Variants in ALDH3A1 observed in about 807,000 individuals in gnomAD.
The protein encoded by ALDH3A1 is aldehyde dehydrogenase, dimeric NADP-preferring.
ALDH3A1 carries 46 observed loss-of-function variants against 49.9 expected under a neutral mutation model. The observed-to-expected ratio is 0.92, with a 90% CI of 0.73 to 1.18. ALDH3A1 has a LOEUF of 1.18. ALDH3A1 is among the 50% of genes most tolerant of loss of function. The probability of loss-of-function intolerance (pLI) is 0.00; values close to 1 mark genes in which losing one functional copy is unlikely to be tolerated. For missense variants in ALDH3A1, 592 were observed against 611.8 expected, an observed-to-expected ratio of 0.97 and a Z score of 0.34; for synonymous variants, 269 against 253.3, an observed-to-expected ratio of 1.06 and a Z score of -0.59.
At chr17:19,745,309 TG>T in intron 1 of ALDH3A1, 175 bp from the exon 2 acceptor site, 1 of 653,936 alleles carries the variant, frequency 1.5e-6, no homozygotes. Flanking sequence ...CTCAGACGCC[TG>T]GGCCCTGGCT....
At chr17:19,740,116 T>C in intron 7 of ALDH3A1, 1 of 556,950 alleles carries the variant, frequency 1.8e-6, no homozygotes, top group South Asian at 2.8e-5. Flanking sequence ...ATGAGGCCCC[T>C]CTTTCTGGGC....
rs961741729 is a variant in ALDH3A1, at chr17:19,738,460, A to G, written c.1217-7T>C. ...GATCCCATGCCGCTGTTCCCTGCGGAGGAGAAGTAAGCACAGGGCTCAGCA... is the reference window on the plus strand; with the variant it reads ...GATCCCATGCCGCTGTTCCCTGCGGGGGAGAAGTAAGCACAGGGCTCAGCA... On this transcript the variant is annotated splice_polypyrimidine_tract_variant and splice_region_variant and intron_variant, in intron 9 of 10. Coordinates refer to ENST00000225740, the MANE Select transcript of ALDH3A1 (RefSeq NM_000691.5). 10 of 1,607,872 alleles carry G rather than the reference A, an allele frequency of 6.2e-6. No individual in the cohort carries two copies. In the Admixed American group the frequency reaches 1.0e-4, roughly 16 times the overall value.
Position 19,738,435 on chromosome 17 carries a change from G to A in ALDH3A1, c.1235C>T (p.Ser412Phe), listed in dbSNP as rs1023500227. Residue 412 changes from serine (S) to phenylalanine (F), a missense_variant, in exon 10 of 11, where the codon TCC (serine) becomes TTC (phenylalanine). Physicochemically the swap from Ser to Phe is radical, Grantham distance 155. Transcript: ENST00000225740. ...CTCGAAGCTCTTCTTGCCATGGTAG[G>A]ATCCCATGCCGCTGTTCCCTGCGGA... Reference protein sequence around the residue: ...FGGVGNSGMGSYHGKKSFETF... With the variant: ...FGGVGNSGMGFYHGKKSFETF... 76 of 1,613,082 alleles carry A rather than the reference G, an allele frequency of 4.7e-5. No homozygotes were observed. The highest frequency in any genetic ancestry group is 6.3e-5 in the Non-Finnish European group (74 of 1,179,484).
chr17:19,745,825 T>C, intron 1 of ALDH3A1: 1 of 152,254 alleles, frequency 6.6e-6, no homozygotes, highest in East Asian at 1.9e-4. Context: ...CAAAAGTTTT[T>C]CAAACATACT....
At chr17:19,747,342 G>A (rs2086613960) in intron 1 of ALDH3A1, among the ~76,000 whole-genome samples, 1 of 152,066 alleles carries the variant, frequency 6.6e-6, no homozygotes, top group Non-Finnish European at 1.5e-5. Flanking sequence ...GTTCTGATAG[G>A]AGGCTGGGAA....
chr17:19,744,156 G>A (rs2086555342), intron 2 of ALDH3A1: 1 of 979,944 alleles, frequency 1.0e-6, no homozygotes, highest in South Asian at 4.7e-5. Context: ...CCAGCACTCT[G>A]AGAGGCCGAG....
intron 1 of ALDH3A1, among the ~76,000 whole-genome samples, chr17:19,746,679 ATGTGCGTGTGTG>A (rs1046874487): frequency 8.2e-5 from 10 of 121,930 alleles, no homozygotes; most frequent in East Asian, 2.7e-4. Context: ...GTGTGTGTGC[ATGTGCGTGTGTG>A]TGTGCGTGCG....
At chr17:19,742,416 G>A in intron 4 of ALDH3A1, 129 bp downstream of exon 4, 1 of 1,212,590 alleles carries the variant, frequency 8.2e-7, no homozygotes, top group Non-Finnish European at 1.2e-6. Flanking sequence ...CAGCTGCTAA[G>A]AACAATCCTC....
In ALDH3A1 at chr17:19,746,824, A is replaced by G. The variant is rs556435605; in HGVS notation, c.-6+1435T>C. On this transcript the variant is annotated intron_variant, in intron 1 of 10. Coordinates refer to ENST00000225740, the MANE Select transcript of ALDH3A1 (RefSeq NM_000691.5). ...CGATGAGACAACTGATGGGGGTGGA[A>G]TTATTGATGATCTGTTTTCCTCTTA... Among the ~76,000 whole-genome samples, 3 of 152,336 alleles carry G rather than the reference A, an allele frequency of 2.0e-5. No individual in the cohort carries two copies. In the East Asian group the frequency reaches 5.8e-4, roughly 29 times the overall value.
In ALDH3A1 at chr17:19,740,327, G is replaced by C; in HGVS notation, c.949+9C>G. ...GGCAGGTGGGCTGTGCTCTTCAGGG[G>C]TCACGCACCTATGTAGCGAGTGGCG... On this transcript the variant is annotated intron_variant, in intron 7 of 10. Coordinates refer to ENST00000225740, the MANE Select transcript of ALDH3A1 (RefSeq NM_000691.5). 6.2e-7 allele frequency: 1 copy of C among 1,613,554 alleles called. No individual in the cohort carries two copies. The highest frequency in any genetic ancestry group is 8.5e-7 in the Non-Finnish European group (1 of 1,179,942).
chr17:19,744,690 G>A, intron 2 of ALDH3A1: 2 of 1,330,134 alleles, frequency 1.5e-6, no homozygotes, highest in Non-Finnish European at 1.9e-6. Context: ...AGGACCAGAA[G>A]TTCAGGGTGT....
rs201715060 is a variant in ALDH3A1, at chr17:19,743,188, G to A, written c.394+44C>T. 1 of 1,609,076 alleles carries A rather than the reference G, an allele frequency of 6.2e-7. No individual in the cohort carries two copies. Among genetic ancestry groups the A allele is most frequent in the African/African-American group, 1.3e-5 (1 of 74,964 alleles). ...CCCATCCTGGCTTGGCTCCACGCTG[G>A]GGGACGGTGCTCCCCCAGCTTCCCT... is the stretch of plus-strand genomic sequence containing the variant. On this transcript the variant is annotated intron_variant, in intron 3 of 10. Coordinates refer to ENST00000225740, the MANE Select transcript of ALDH3A1 (RefSeq NM_000691.5). This position sits in a 1 kb window ranked among gnomAD's most constrained non-coding sequence, Gnocchi z 4.4.
In ALDH3A1 at chr17:19,738,461, G is replaced by A. The variant is rs1331445296; in HGVS notation, c.1217-8C>T. 1.2e-6 allele frequency: 2 copies of A among 1,607,994 alleles called. No homozygotes were observed. The highest frequency in any genetic ancestry group is 2.7e-5 in the African/African-American group (2 of 74,848). Reference sequence around the variant, plus strand: ...ATCCCATGCCGCTGTTCCCTGCGGAGGAGAAGTAAGCACAGGGCTCAGCAT... The same window carrying A: ...ATCCCATGCCGCTGTTCCCTGCGGAAGAGAAGTAAGCACAGGGCTCAGCAT... On this transcript the variant is annotated splice_polypyrimidine_tract_variant and splice_region_variant and intron_variant, in intron 9 of 10. Coordinates refer to ENST00000225740, the MANE Select transcript of ALDH3A1 (RefSeq NM_000691.5).
At chr17:19,738,944 G>A in intron 9 of ALDH3A1, 52 bp downstream of exon 9, 1 of 1,517,292 alleles carries the variant, frequency 6.6e-7, no homozygotes, top group Non-Finnish European at 9.0e-7. Flanking sequence ...CTGGGTGAGT[G>A]TGCCCAGCCC....
At chr17:19,746,729 G>A (rs1164295224) in intron 1 of ALDH3A1, among the ~76,000 whole-genome samples, 2 of 151,572 alleles carry the variant, frequency 1.3e-5, no homozygotes, top group East Asian at 1.9e-4. Flanking sequence ...GTGTGTGCGC[G>A]CGTGTGCGTG....
In ALDH3A1 at chr17:19,742,150, G is replaced by A. The variant is rs202069113; in HGVS notation, c.543C>T (p.Phe181=). The change falls in exon 5 of 11, where the codon TTC becomes TTT. Residue 181 remains phenylalanine (F), a synonymous_variant. Transcript: ENST00000225740. ...TGCTGCCCGTGTACAGGATATGGTC[G>A]AACCTCTCCTTGAGCAGCTCCGTGG... ...PETTELLKER[F]DHILYTGSTG... is the part of the protein sequence containing the mutation. 2.6e-4 allele frequency: 415 copies of A among 1,613,908 alleles called. No individual in the cohort carries two copies. Among genetic ancestry groups the A allele is most frequent in the Non-Finnish European group, 3.4e-4 (397 of 1,180,022 alleles).
Position 19,738,329 on chromosome 17 carries a change from C to T in ALDH3A1, c.1341G>A (p.Pro447=), listed in dbSNP as rs755519068. The change falls in exon 10 of 11, where the codon CCG becomes CCA. Residue 447 remains proline, a synonymous_variant. Transcript: ENST00000225740. The part of the protein sequence containing the change: ...EGLKVRYPPS[P]AKMTQH The stretch of plus-strand genomic sequence containing the variant: ...AGCGCCTTCCCCCTCTCACCTTGGC[C>T]GGGCTCGGGGGGTATCTGACCTTCA... The T allele has an allele frequency of 2.0e-5, 32 of 1,612,818 alleles. No individual in the cohort carries two copies. The highest frequency in any genetic ancestry group is 4.4e-5 in the South Asian group (4 of 91,070).
At chr17:19,739,996 C>T (rs1007776109) in intron 7 of ALDH3A1, among the ~76,000 whole-genome samples, 3 of 152,196 alleles carry the variant, frequency 2.0e-5, no homozygotes, top group Non-Finnish European at 2.9e-5. Context: ...CAAGAGGGTC[C>T]CATCTGGTGA....
Position 19,741,126 on chromosome 17 carries a change from G to T in ALDH3A1, c.774C>A (p.Asn258Lys), listed in dbSNP as rs574046532. 1.9e-6 allele frequency: 3 copies of T among 1,614,114 alleles called. No homozygotes were observed. The highest frequency in any genetic ancestry group is 3.3e-5 in the Admixed American group (2 of 60,028). Residue 258 changes from asparagine (N) to lysine (K), a missense_variant, in exon 6 of 11, where the codon AAC becomes AAA. Coordinates refer to ENST00000225740, the MANE Select transcript of ALDH3A1 (RefSeq NM_000691.5). ...DYILCDPSIQ[N>K]QIVEKLKKSL... ...ACTTCTTGAGCTTCTCCACAATTTG[G>T]TTCTGGATCGAGGGGTCACAGAGGA...
Sources: gnomAD v4.1 joint callset for allele counts (sites outside exome capture counted in the v4.1 genomes callset) on GRCh38, gnomAD v4.1.1 for gene constraint, Gnocchi (gnomAD v3.1) non-coding constraint, MANE v1.5 for transcripts, NCBI Gene and HGNC (gene_info 2026-07-23, HGNC 2026-07-21) for gene names.